RAB5C: variants seen among roughly 807,000 people sequenced by gnomAD.
RAB5C encodes the protein RAB5C, member RAS oncogene family.
RAB5C carries 4 observed loss-of-function variants against 25.2 expected under a neutral mutation model. The observed-to-expected ratio is 0.16, with a 90% CI of 0.08 to 0.36. RAB5C has a LOEUF of 0.36. Ranked by LOEUF, RAB5C falls within the 10% of genes least tolerant of loss-of-function variation. The pLI is 1.00. For synonymous variants in RAB5C, 100 were observed against 106.4 expected, an observed-to-expected ratio of 0.94 and a Z score of 0.37; for missense variants, 199 against 283.8, an observed-to-expected ratio of 0.70 and a Z score of 2.15.
At chr17:42,141,500 C>T (rs1323659756) in intron 1 of RAB5C, among the ~76,000 whole-genome samples, 2 of 152,162 alleles carry the variant, frequency 1.3e-5, no homozygotes, top group Non-Finnish European at 2.9e-5. Flanking sequence ...GGCAAGTGAA[C>T]GGGGGAAGTT....
intron 1 of RAB5C, among the ~76,000 whole-genome samples, chr17:42,151,594 G>C (rs1292565095): frequency 2.6e-5 from 4 of 151,868 alleles, no homozygotes; most frequent in African/African-American, 9.7e-5. Flanking sequence ...CAGCACCACA[G>C]GAGAAACAGA....
intron 1 of RAB5C, among the ~76,000 whole-genome samples, chr17:42,135,458 G>T (rs570854629): frequency 3.6e-4 from 55 of 152,148 alleles, no homozygotes; most frequent in African/African-American, 1.3e-3. Context: ...ATCTCTAGAG[G>T]TGGAGTCCAG....
chr17:42,126,353 C>T (rs1309911509), intron 5 of RAB5C, among the ~76,000 whole-genome samples: 1 of 152,048 alleles, frequency 6.6e-6, no homozygotes, highest in Non-Finnish European at 1.5e-5. Flanking sequence ...GTGAAGGGGG[C>T]TGGGCGCAGT....
At chr17:42,134,809 C>T (rs2883233) in intron 1 of RAB5C, among the ~76,000 whole-genome samples, 4 of 152,064 alleles carry the variant, frequency 2.6e-5, no homozygotes, top group Non-Finnish European at 1.5e-5. Flanking sequence ...CACATGAAAG[C>T]GCAGAAGGGA....
chr17:42,128,320 C>T lies in RAB5C; in HGVS notation c.382G>A (p.Val128Ile), dbSNP rs2054449143. ...GCCTTGTTACCCGCGAGTGCAATGA[C>T]GATGTTGGGGCTGGCCTGCCTCTGT... ...ELQRQASPNI[V>I]IALAGNKADL... The change falls in exon 4 of 6, where the codon GTC (valine) becomes ATC (isoleucine). Residue 128 changes from valine to isoleucine, a missense_variant. Around this residue, in one of 3 missense-constraint regions of RAB5C, gnomAD observed 154 missense variants for 199.6 expected, o/e 0.77. Transcript: ENST00000346213. The T allele has an allele frequency of 3.1e-6, 5 of 1,614,042 alleles. No homozygotes were observed. The highest frequency in any genetic ancestry group is 1.3e-5 in the African/African-American group (1 of 74,918).
At chr17:42,144,961 A>C (rs2079624667) in intron 1 of RAB5C, among the ~76,000 whole-genome samples, 1 of 63,410 alleles carries the variant, frequency 1.6e-5, no homozygotes, top group African/African-American at 1.0e-4. Context: ...AAAAAAAAAA[A>C]AAAAAAAAAA....
At chr17:42,127,309 A>G (rs1302677664) in intron 4 of RAB5C, among the ~76,000 whole-genome samples, 1 of 152,214 alleles carries the variant, frequency 6.6e-6, no homozygotes, top group Non-Finnish European at 1.5e-5. Context: ...ACACGTGCAT[A>G]TTTCTGGAAG....
In RAB5C at chr17:42,128,360, G is replaced by C. The variant is rs757094784; in HGVS notation, c.342C>G (p.Asn114Lys). 1.9e-6 allele frequency: 3 copies of C among 1,613,852 alleles called. No individual in the cohort carries two copies. Among genetic ancestry groups the C allele is most frequent in the African/African-American group, 2.7e-5 (2 of 74,900 alleles). Residue 114 changes from asparagine (N) to lysine (K), a missense_variant, in exon 4 of 6, where the codon AAC (asparagine) becomes AAG (lysine). Asn to Lys is a moderately conservative substitution (Grantham distance 94, BLOSUM62 0). This residue lies in a region of RAB5C where 154 missense variants were observed against 199.6 expected (regional missense o/e 0.77). Transcript: ENST00000346213. ...CCTGCCTCTGTAGCTCCTTCACCCA[G>C]TTCTTGGCCCGTGCAAATGTATCCT... ...TNTDTFARAK[N>K]WVKELQRQAS... is the part of the protein sequence containing the mutation.
intron 1 of RAB5C, among the ~76,000 whole-genome samples, chr17:42,134,373 C>CA (rs1423653431): frequency 6.6e-6 from 1 of 152,084 alleles, no homozygotes; most frequent in Non-Finnish European, 1.5e-5. Flanking sequence ...TTCTTTGAGA[C>CA]AAAAATCAAA....
At chr17:42,147,749 T>C (rs986086217) in intron 1 of RAB5C, among the ~76,000 whole-genome samples, 4 of 152,156 alleles carry the variant, frequency 2.6e-5, no homozygotes, top group Admixed American at 6.6e-5. Context: ...GTTTGAATCA[T>C]AGGTTCACGA....
Position 42,153,626 on chromosome 17 carries a change from C to T in RAB5C, c.-89+1267G>A, listed in dbSNP as rs533228201. Among the ~76,000 whole-genome samples, 6 of 152,254 alleles carry T rather than the reference C, an allele frequency of 3.9e-5. No homozygotes were observed. The East Asian group carries it at 1.2e-3, about 29-fold the overall frequency. On this transcript the variant is annotated intron_variant, in intron 1 of 5. Coordinates refer to ENST00000346213, the MANE Select transcript of RAB5C (RefSeq NM_004583.4). ...CCCACAAACTGCACGGCTTTCCGTC[C>T]CTTCCTCCACTGTAGATAGCAAGGG...
At chr17:42,131,443 CACACACACACAAAAACACATGCCA>C (rs2054485064) in intron 1 of RAB5C, among the ~76,000 whole-genome samples, 1 of 151,832 alleles carries the variant, frequency 6.6e-6, no homozygotes, top group East Asian at 1.9e-4. Flanking sequence ...GAAACACACA[CACACACACACAAAAACACATGCCA>C]ACACACACAC....
chr17:42,144,966 A>G (rs1271001886), intron 1 of RAB5C, among the ~76,000 whole-genome samples: 3 of 125,068 alleles, frequency 2.4e-5, no homozygotes, highest in African/African-American at 8.8e-5. Context: ...AAAAAAAAAA[A>G]AAAAAAAAAA....
intron 1 of RAB5C, among the ~76,000 whole-genome samples, chr17:42,140,495 ATATATATATATATATATATATTTTTTT>A (rs2054582017): frequency 2.0e-5 from 1 of 50,330 alleles, no homozygotes. Flanking sequence ...ATATATATAT[ATATATATATATATATATATATTTTTTT>A]TTTTTTTTTT....
At chr17:42,127,235 TA>T (rs2054435330) in intron 4 of RAB5C, among the ~76,000 whole-genome samples, 1 of 152,314 alleles carries the variant, frequency 6.6e-6, no homozygotes, top group South Asian at 2.1e-4. Context: ...TAGGGATTGG[TA>T]AAAAATTATC....
chr17:42,134,106 C>T (rs189528649), intron 1 of RAB5C, among the ~76,000 whole-genome samples: 35 of 152,158 alleles, frequency 2.3e-4, no homozygotes, highest in African/African-American at 7.9e-4. Context: ...CTAGGAAGGG[C>T]GCACGGAGAT....
chr17:42,130,639 C>G (rs745857834), intron 1 of RAB5C, 49 bp from the exon 2 acceptor site: 3 of 1,467,354 alleles, frequency 2.0e-6, no homozygotes, highest in Non-Finnish European at 2.7e-6. Flanking sequence ...GGCCGTCACC[C>G]GCTGTGTCCT....
chr17:42,136,509 A>G (rs1196151600), intron 1 of RAB5C: 2 of 152,196 alleles, frequency 1.3e-5, no homozygotes, highest in Admixed American at 6.5e-5. Flanking sequence ...TCCACCGTTT[A>G]TTAGCCGTGT....
chr17:42,126,631 CAAAAAAAAAAAA>C (rs71357528), intron 5 of RAB5C, 112 bp downstream of exon 5: 16 of 84,560 alleles, frequency 1.9e-4, no homozygotes, highest in African/African-American at 5.6e-4. Flanking sequence ...GACTCCATCT[CAAAAAAAAAAAA>C]AAAAAAAAAA....
Sources: allele counts gnomAD v4.1 joint callset (sites outside exome capture counted in the v4.1 genomes callset), GRCh38; gene constraint gnomAD v4.1.1; regional missense constraint gnomAD v4.1.1; transcripts MANE v1.5; gene names NCBI Gene and HGNC (gene_info 2026-07-23, HGNC 2026-07-21).